Variants in ADGRL3 observed in about 807,000 individuals in gnomAD.
ADGRL3 encodes calcium-independent alpha-latrotoxin receptor 3.
ADGRL3 carries 62 observed loss-of-function variants against 153.5 expected under a neutral mutation model. The ratio of observed to expected loss-of-function variants is 0.40; its 90% CI spans 0.33 to 0.50. ADGRL3 has a LOEUF of 0.50. Among genes scored for constraint, ADGRL3 ranks in the 20% least tolerant of loss-of-function variants. The pLI, the probability that ADGRL3 is intolerant of heterozygous loss-of-function variation, is 0.47. For missense variants in ADGRL3, 1,641 were observed against 1,859.4 expected, an observed-to-expected ratio of 0.88 and a Z score of 2.16; for synonymous variants, 710 against 672.5, an observed-to-expected ratio of 1.06 and a Z score of -0.86.
At chr4:61,855,892 A>G (rs1162480932) in intron 9 of ADGRL3, among the ~76,000 whole-genome samples, 1 of 152,188 alleles carries the variant, frequency 6.6e-6, no homozygotes, top group African/African-American at 2.4e-5. Context: ...TAAAAGAGCA[A>G]TTAAGTAAAC....
chr4:61,271,233 C>T (rs1452590633), intron 1 of ADGRL3, among the ~76,000 whole-genome samples: 2 of 151,808 alleles, frequency 1.3e-5, no homozygotes, highest in African/African-American at 4.8e-5. Flanking sequence ...AGTTGTATAG[C>T]ATTGAATGTC....
intron 1 of ADGRL3, among the ~76,000 whole-genome samples, chr4:61,213,059 T>C (rs1740877329): frequency 6.6e-6 from 1 of 152,134 alleles, no homozygotes; most frequent in African/African-American, 2.4e-5. Flanking sequence ...CAATGGTATG[T>C]GTATGTGTGT....
intron 5 of ADGRL3, among the ~76,000 whole-genome samples, chr4:61,652,531 T>A (rs945407900): frequency 1.3e-5 from 2 of 152,176 alleles, no homozygotes; most frequent in Non-Finnish European, 2.9e-5. Flanking sequence ...CTCTCCTACA[T>A]GACCTAAAAT....
At chr4:61,423,686 G>T (rs1002705033) in intron 2 of ADGRL3, among the ~76,000 whole-genome samples, 1 of 152,164 alleles carries the variant, frequency 6.6e-6, no homozygotes, top group Admixed American at 6.5e-5. Flanking sequence ...GGATTAGTAG[G>T]AGAGGGTCAT....
At chr4:61,447,960 G>A (rs944462214) in intron 2 of ADGRL3, among the ~76,000 whole-genome samples, 3 of 152,182 alleles carry the variant, frequency 2.0e-5, no homozygotes, top group Non-Finnish European at 4.4e-5. Flanking sequence ...ACCTGGGCCT[G>A]AACCTAGGTT....
At chr4:61,677,148 T>C in intron 6 of ADGRL3, 1 of 493,188 alleles carries the variant, frequency 2.0e-6, no homozygotes, top group Non-Finnish European at 3.7e-6. Flanking sequence ...TGATTATTTC[T>C]GTATATGAAT....
chr4:61,452,884 T>C (rs904765777), intron 2 of ADGRL3, among the ~76,000 whole-genome samples: 1 of 152,270 alleles, frequency 6.6e-6, no homozygotes, highest in East Asian at 1.9e-4. Flanking sequence ...TTATTATTAC[T>C]TTTCTGAGTT....
intron 1 of ADGRL3, among the ~76,000 whole-genome samples, chr4:61,212,773 T>C (rs866296276): frequency 6.6e-6 from 1 of 152,248 alleles, no homozygotes; most frequent in Non-Finnish European, 1.5e-5. Flanking sequence ...AAATCTTATG[T>C]ACAATGACCT....
At position 61,947,004 on chromosome 4, in the gene ADGRL3, T is replaced by C. The variant is rs371985762; in HGVS notation, c.2510T>C (p.Leu837Ser). Residue 837 changes from leucine (L) to serine (S), a missense_variant, in exon 16 of 27, where the codon TTG becomes TCG. By Grantham distance (145) the Leu-to-Ser change is moderately radical. Transcript: ENST00000683033. ...NASMKLGTEALSTNHSVIVNS... is the reference protein window; with the variant it reads ...NASMKLGTEASSTNHSVIVNS... ...AGTATGAAGTTGGGAACGGAAGCTT[T>C]GTCCACAAATCATTCTGTTATTGTC... The C allele has an allele frequency of 3.7e-6, 6 of 1,613,708 alleles. No individual in the cohort carries two copies. The African/African-American group carries it at 5.3e-5, about 14-fold the overall frequency.
At chr4:61,514,440 T>C (rs1286597722) in intron 3 of ADGRL3, among the ~76,000 whole-genome samples, 1 of 152,206 alleles carries the variant, frequency 6.6e-6, no homozygotes, top group African/African-American at 2.4e-5. Context: ...GGAAGACAAA[T>C]TGGATTTATA....
At chr4:61,478,532 G>A (rs928474987) in intron 2 of ADGRL3, among the ~76,000 whole-genome samples, 8 of 151,940 alleles carry the variant, frequency 5.3e-5, no homozygotes, top group African/African-American at 1.9e-4. Context: ...TTTAATCACT[G>A]GGAACACTGA....
chr4:61,784,496 C>T (rs1035404911), intron 8 of ADGRL3, among the ~76,000 whole-genome samples: 1 of 152,122 alleles, frequency 6.6e-6, no homozygotes, highest in Non-Finnish European at 1.5e-5. Context: ...CATTCAGTCA[C>T]TGTCTTCACA....
At chr4:61,896,400 A>G (rs1344254145) in intron 11 of ADGRL3, among the ~76,000 whole-genome samples, 1 of 152,146 alleles carries the variant, frequency 6.6e-6, no homozygotes, top group African/African-American at 2.4e-5. Flanking sequence ...ATTTATGCCA[A>G]AAGGGTTATG....
At chr4:61,357,912 A>G (rs1183752035) in intron 1 of ADGRL3, among the ~76,000 whole-genome samples, 3 of 152,230 alleles carry the variant, frequency 2.0e-5, no homozygotes, top group East Asian at 1.9e-4. Flanking sequence ...TAAATAAACA[A>G]TATAGTCAGT....
intron 9 of ADGRL3, among the ~76,000 whole-genome samples, chr4:61,883,293 G>C (rs1280199961): frequency 6.6e-6 from 1 of 151,998 alleles, no homozygotes; most frequent in Non-Finnish European, 1.5e-5. Flanking sequence ...CTCTATAAGG[G>C]CAGAGATTGT....
intron 1 of ADGRL3, among the ~76,000 whole-genome samples, chr4:61,256,324 T>A (rs868612651): frequency 6.6e-6 from 1 of 152,142 alleles, no homozygotes; most frequent in African/African-American, 2.4e-5. Context: ...TCTTTCCTTG[T>A]TATGTGTGTA....
chr4:61,649,349 C>G (rs1481356247), intron 5 of ADGRL3, among the ~76,000 whole-genome samples: 1 of 152,064 alleles, frequency 6.6e-6, no homozygotes, highest in Non-Finnish European at 1.5e-5. Context: ...TTAATAGCAG[C>G]AACATCTAAA....
At chr4:61,399,167 A>C (rs1328650488) in intron 2 of ADGRL3, among the ~76,000 whole-genome samples, 1 of 151,700 alleles carries the variant, frequency 6.6e-6, no homozygotes, top group African/African-American at 2.4e-5. Context: ...CTGCTGTCAA[A>C]ATGATGTTTG....
At chr4:61,654,790 G>A (rs373419060) in intron 5 of ADGRL3, among the ~76,000 whole-genome samples, 1 of 151,900 alleles carries the variant, frequency 6.6e-6, no homozygotes, top group Non-Finnish European at 1.5e-5. Context: ...CTAGTTACTC[G>A]GGAGGCTGAG....
Sources: allele counts gnomAD v4.1 joint callset (sites outside exome capture counted in the v4.1 genomes callset), GRCh38; gene constraint gnomAD v4.1.1; transcripts MANE v1.5; gene names NCBI Gene and HGNC (gene_info 2026-07-23, HGNC 2026-07-21).